The following TXNRD1 variants were observed in gnomAD, a reference collection of about 807,000 sequenced individuals.
TXNRD1 encodes the protein thioredoxin reductase 1, cytoplasmic.
In TXNRD1, 57 loss-of-function variants were observed where a neutral mutation model predicts 80.3. The ratio of observed to expected loss-of-function variants is 0.71; its 90% CI spans 0.57 to 0.89. The LOEUF is 0.89. TXNRD1 is among the 40% of genes least tolerant of loss of function. TXNRD1 has a pLI of 0.00. For missense variants in TXNRD1, 730 were observed against 803.0 expected, an observed-to-expected ratio of 0.91 and a Z score of 1.10; for synonymous variants, 291 against 285.2, an observed-to-expected ratio of 1.02 and a Z score of -0.20.
At chr12:104,321,031 A>G in intron 9 of TXNRD1, 60 bp from the exon 10 acceptor site, 1 of 1,177,906 alleles carries the variant, frequency 8.5e-7, no homozygotes, top group African/African-American at 1.5e-5. Flanking sequence ...TGGATTTAGT[A>G]ATTATTTATA....
rs1172930272 is a variant in TXNRD1 at position 104,326,353 on chromosome 12, C to T, written c.1315C>T (p.Leu439=). 1 of 1,585,802 alleles carries T rather than the reference C, an allele frequency of 6.3e-7. No homozygotes were observed. Among genetic ancestry groups the T allele is most frequent in the East Asian group, 2.3e-5 (1 of 44,084 alleles). The stretch of plus-strand genomic sequence containing the variant: ...TATATTAATAATTTTTCAGGTGATG[C>T]TGGCAATAGGAAGAGATGCTTGCAC... ...IIEGEYNTVM[L]AIGRDACTRK... Residue 439 remains leucine (L), a synonymous_variant, in exon 12 of 17, where the codon CTG becomes TTG. Transcript: ENST00000525566.
In TXNRD1 at chr12:104,348,337, T is replaced by C; in HGVS notation, c.1882-16T>C. ...CTCAGGCATCTGAAGATGTTGTGCT[T>C]TCTCTTCCCCTGCAGGTATTCACAA... On this transcript the variant is annotated splice_polypyrimidine_tract_variant and intron_variant, in intron 16 of 16. Transcript: ENST00000525566. The C allele has an allele frequency of 6.2e-7, 1 of 1,613,888 alleles. No homozygotes were observed.
At chr12:104,229,039 A>T (rs2032543200) in intron 1 of TXNRD1, among the ~76,000 whole-genome samples, 1 of 151,570 alleles carries the variant, frequency 6.6e-6, no homozygotes, top group African/African-American at 2.4e-5. Flanking sequence ...TCATTACTCC[A>T]AAAAGAAACC....
rs933088517 is a variant in TXNRD1, at chr12:104,296,138, A to C, written c.414+7098A>C. On this transcript the variant is annotated intron_variant, in intron 4 of 16. Coordinates refer to ENST00000525566, the MANE Select transcript of TXNRD1 (RefSeq NM_001093771.3). ...CTGTTTGCCTGCAAAGCTCACTCTCATGTACTCATACTTCTGGCACTTGGC... is the reference window on the plus strand; with the variant it reads ...CTGTTTGCCTGCAAAGCTCACTCTCCTGTACTCATACTTCTGGCACTTGGC... Among the ~76,000 whole-genome samples the C allele has an allele frequency of 3.9e-5, 6 of 152,198 alleles. No homozygotes were observed. The South Asian group carries it at 1.2e-3, about 32-fold the overall frequency.
At chr12:104,299,396 TATC>T (rs141520450) in intron 4 of TXNRD1, among the ~76,000 whole-genome samples, 1,918 of 152,182 alleles carry the variant, frequency 0.013, 35 homozygotes, top group African/African-American at 0.04. Flanking sequence ...ATATCTGTCT[TATC>T]ATAGCAAAGT....
intron 3 of TXNRD1, among the ~76,000 whole-genome samples, chr12:104,268,748 C>G (rs2033590480): frequency 6.6e-6 from 1 of 151,850 alleles, no homozygotes; most frequent in South Asian, 2.1e-4. Flanking sequence ...AACTCCTGAC[C>G]TCATGTAATC....
In TXNRD1 at chr12:104,348,472, G is replaced by T. The variant is rs35044879; in HGVS notation, c.*51G>T. 1.7e-4 allele frequency: 268 copies of T among 1,592,590 alleles called. 1 individual carries two copies. The East Asian group carries it at 5.9e-3, about 35-fold the overall frequency. ...GACTGCAAACCACTGGCTCGTTTCC[G>T]TGCCCAAATCCAAGGCGAAGTTTTC... On this transcript the variant is annotated 3_prime_UTR_variant, in exon 17 of 17. Transcript: ENST00000525566.
intron 1 of TXNRD1, among the ~76,000 whole-genome samples, chr12:104,247,215 C>T (rs879476375): frequency 6.6e-6 from 1 of 152,114 alleles, no homozygotes; most frequent in Admixed American, 6.6e-5. Context: ...ATACAGGCAC[C>T]CGCCATTATG....
At chr12:104,305,069 C>A in intron 4 of TXNRD1, 1 of 948,354 alleles carries the variant, frequency 1.1e-6, no homozygotes, top group Non-Finnish European at 1.5e-6. Flanking sequence ...CATTGTTTTA[C>A]TGTGCAGCAT....
intron 2 of TXNRD1, among the ~76,000 whole-genome samples, chr12:104,256,922 G>A (rs2033264423): frequency 1.3e-5 from 2 of 150,666 alleles, no homozygotes; most frequent in Admixed American, 1.3e-4. Context: ...CATACAATAG[G>A]AAGTACTGTT....
chr12:104,341,593 A>T (rs888268820), intron 16 of TXNRD1, among the ~76,000 whole-genome samples: 1 of 152,176 alleles, frequency 6.6e-6, no homozygotes. Context: ...TTCTGACCCC[A>T]GATTTGTGGG....
intron 1 of TXNRD1, among the ~76,000 whole-genome samples, chr12:104,229,682 TC>T (rs1436845511): frequency 6.6e-6 from 1 of 151,908 alleles, no homozygotes; most frequent in East Asian, 1.9e-4. Context: ...ATCCTCTGCC[TC>T]CCGGGTTCAA....
intron 4 of TXNRD1, among the ~76,000 whole-genome samples, chr12:104,291,481 T>A (rs1196714562): frequency 1.0e-5 from 1 of 96,170 alleles, no homozygotes; most frequent in East Asian, 2.5e-4. Context: ...CGCACCCAGC[T>A]TTTTTTTTTT....
chr12:104,246,958 T>A (rs535167156), intron 1 of TXNRD1, among the ~76,000 whole-genome samples: 241 of 152,334 alleles, frequency 1.6e-3, no homozygotes, highest in Middle Eastern at 0.014. Context: ...TAGTTTCAGT[T>A]GTTACAAGTG....
chr12:104,348,063 G>A (rs906799380), intron 16 of TXNRD1, among the ~76,000 whole-genome samples: 3 of 152,114 alleles, frequency 2.0e-5, no homozygotes, highest in Non-Finnish European at 4.4e-5. Context: ...CTTTTAGAGG[G>A]TTGACAAGCA....
At chr12:104,227,505 C>T (rs1453376063) in intron 1 of TXNRD1, among the ~76,000 whole-genome samples, 1 of 152,056 alleles carries the variant, frequency 6.6e-6, no homozygotes, top group Non-Finnish European at 1.5e-5. Context: ...GGCATCAAGC[C>T]ATCCTCCCTC....
At chr12:104,249,104 A>G (rs1361826546) in intron 1 of TXNRD1, among the ~76,000 whole-genome samples, 1 of 152,258 alleles carries the variant, frequency 6.6e-6, no homozygotes, top group Non-Finnish European at 1.5e-5. Flanking sequence ...GCTTATCAAC[A>G]ACAGAAAACA....
At position 104,276,343 on chromosome 12, in the gene TXNRD1, C is replaced by A. The variant is rs79223767; in HGVS notation, c.305-12588C>A. Among the ~76,000 whole-genome samples the A allele has an allele frequency of 6.5e-3, 991 of 152,254 alleles. 12 individuals are homozygous for A. Among genetic ancestry groups the A allele is most frequent in the African/African-American group, 0.019 (782 of 41,546 alleles). On this transcript the variant is annotated intron_variant, in intron 3 of 16. Coordinates refer to ENST00000525566, the MANE Select transcript of TXNRD1 (RefSeq NM_001093771.3). ...ATAGAGAGCTGCTGGGAAGAGAAGA[C>A]AGAGAAGTGAAAGTAACTTGTACCT...
At chr12:104,321,000 G>T in intron 9 of TXNRD1, 91 bp from the exon 10 acceptor site, 1 of 898,296 alleles carries the variant, frequency 1.1e-6, no homozygotes, top group Non-Finnish European at 1.7e-6. Flanking sequence ...GTATGTTCTT[G>T]TCAAAGTAAA....
Sources: gnomAD v4.1 joint callset for allele counts (sites outside exome capture counted in the v4.1 genomes callset) on GRCh38, gnomAD v4.1.1 for gene constraint, MANE v1.5 for transcripts, NCBI Gene and HGNC (gene_info 2026-07-23, HGNC 2026-07-21) for gene names.